The following GPC5 variants were observed in gnomAD, a reference collection of about 807,000 sequenced individuals.
GPC5 encodes glypican 5.
GPC5 carries 47 observed loss-of-function variants against 53.9 expected under a neutral mutation model. That is an observed-to-expected ratio of 0.87 (90% confidence interval 0.69 to 1.11). The LOEUF is 1.11. GPC5 is among the 50% of genes most tolerant of loss of function. GPC5 has a pLI of 0.00. For missense variants in GPC5, 748 were observed against 713.1 expected (o/e 1.05, Z -0.56); for synonymous variants, 286 against 263.3 (o/e 1.09, Z -0.84).
rs146383193 is a variant in GPC5 at position 91,879,277 on chromosome 13, T to G, written c.1281-28660T>G. ...TTTGGCTAGAACTAAATAGTAAAAGTGTGCATCAGTTTAAGATAGTTATTT... is the reference window on the plus strand; with the variant it reads ...TTTGGCTAGAACTAAATAGTAAAAGGGTGCATCAGTTTAAGATAGTTATTT... On this transcript the variant is annotated intron_variant, in intron 5 of 7. Coordinates refer to ENST00000377067, the MANE Select transcript of GPC5 (RefSeq NM_004466.6). 2.6e-5 allele frequency among the ~76,000 whole-genome samples: 4 copies of G among 152,324 alleles called. No individual in the cohort carries two copies. In the East Asian group the frequency reaches 7.7e-4, roughly 29 times the overall value.
At chr13:91,414,621 G>T (rs1878047675) in intron 1 of GPC5, among the ~76,000 whole-genome samples, 1 of 152,196 alleles carries the variant, frequency 6.6e-6, no homozygotes, top group Admixed American at 6.5e-5. Context: ...ATGGGCTAAA[G>T]CAATGACAGT....
At chr13:91,876,008 A>T (rs541812831) in intron 5 of GPC5, among the ~76,000 whole-genome samples, 1 of 152,300 alleles carries the variant, frequency 6.6e-6, no homozygotes, top group South Asian at 2.1e-4. Context: ...TGCTATTCTC[A>T]TGACAGTGAA....
At chr13:91,628,138 T>C (rs898697777) in intron 2 of GPC5, among the ~76,000 whole-genome samples, 7 of 152,298 alleles carry the variant, frequency 4.6e-5, no homozygotes, top group Admixed American at 3.3e-4. Context: ...GTGTTAATGT[T>C]ACCTTACAGT....
chr13:91,596,119 A>G (rs2032985142), intron 2 of GPC5, among the ~76,000 whole-genome samples: 1 of 152,204 alleles, frequency 6.6e-6, no homozygotes, highest in African/African-American at 2.4e-5. Flanking sequence ...GTAGTTGATA[A>G]TATCCTTTCT....
intron 7 of GPC5, among the ~76,000 whole-genome samples, chr13:92,669,175 T>G (rs1886667805): frequency 6.6e-6 from 1 of 152,182 alleles, no homozygotes; most frequent in East Asian, 1.9e-4. Context: ...ATGCAGGGGT[T>G]TCATTTCTGT....
At chr13:92,529,608 C>T (rs1288555355) in intron 7 of GPC5, among the ~76,000 whole-genome samples, 1 of 152,014 alleles carries the variant, frequency 6.6e-6, no homozygotes, top group Non-Finnish European at 1.5e-5. Flanking sequence ...GCTGCTCTGC[C>T]CACTCCAACC....
chr13:92,470,746 T>A (rs1259266037), intron 7 of GPC5, among the ~76,000 whole-genome samples: 1 of 152,166 alleles, frequency 6.6e-6, no homozygotes, highest in Non-Finnish European at 1.5e-5. Context: ...TTATGCAATT[T>A]TAACCTTCAC....
chr13:92,134,526 ACTC>A (rs2041768491), intron 6 of GPC5, among the ~76,000 whole-genome samples: 2 of 152,228 alleles, frequency 1.3e-5, no homozygotes, highest in South Asian at 4.1e-4. Context: ...TCAATAAGCA[ACTC>A]CTTGATGAGA....
At chr13:92,283,668 G>T (rs893364593) in intron 7 of GPC5, among the ~76,000 whole-genome samples, 11 of 152,164 alleles carry the variant, frequency 7.2e-5, no homozygotes, top group African/African-American at 2.7e-4. Context: ...AATGAAGGCA[G>T]AAATAAAGAT....
intron 6 of GPC5, among the ~76,000 whole-genome samples, chr13:91,918,511 C>A (rs1252344372): frequency 6.6e-6 from 1 of 152,066 alleles, no homozygotes; most frequent in African/African-American, 2.4e-5. Context: ...AGATAATTAT[C>A]TTTTTTTGAT....
intron 7 of GPC5, among the ~76,000 whole-genome samples, chr13:92,427,734 A>C (rs188177735): frequency 6.6e-6 from 1 of 152,180 alleles, no homozygotes; most frequent in East Asian, 1.9e-4. Context: ...ATTAACCTGG[A>C]TGTGCAAGCC....
intron 7 of GPC5, among the ~76,000 whole-genome samples, chr13:92,481,106 A>AT (rs199678556): frequency 0.015 from 2,242 of 147,060 alleles, 32 homozygotes; most frequent in Non-Finnish European, 0.027. Flanking sequence ...ATTTTTTTGC[A>AT]TTTTTTTTTT....
intron 7 of GPC5, among the ~76,000 whole-genome samples, chr13:92,469,096 G>T (rs894736448): frequency 6.6e-6 from 1 of 152,142 alleles, no homozygotes; most frequent in Admixed American, 6.6e-5. Flanking sequence ...GACAGGTCAA[G>T]ATACATGTAT....
Position 92,717,910 on chromosome 13 carries a change from G to GA in GPC5, c.1562-148366dup, listed in dbSNP as rs531004678. 1.9e-3 allele frequency among the ~76,000 whole-genome samples: 286 copies of GA among 151,918 alleles called. 4 individuals are homozygous for GA. The highest frequency in any genetic ancestry group is 6.6e-3 in the African/African-American group (273 of 41,456). ...AAATATAAGGAACTCAACTCAATAG[G>GA]AAAAAATCTAATAATCTGATTAAAA... On this transcript the variant is annotated intron_variant, in intron 7 of 7. Coordinates refer to ENST00000377067, the MANE Select transcript of GPC5 (RefSeq NM_004466.6).
intron 7 of GPC5, among the ~76,000 whole-genome samples, chr13:92,860,179 A>G (rs912992036): frequency 6.6e-6 from 1 of 152,154 alleles, no homozygotes; most frequent in African/African-American, 2.4e-5. Context: ...TTATTTTTAC[A>G]TAATTTATCA....
At chr13:91,973,365 C>A (rs1054283582) in intron 6 of GPC5, among the ~76,000 whole-genome samples, 8 of 152,146 alleles carry the variant, frequency 5.3e-5, no homozygotes, top group African/African-American at 1.9e-4. Flanking sequence ...GTCATCCATT[C>A]GTCTAATTAT....
At chr13:91,935,585 G>T (rs911292461) in intron 6 of GPC5, among the ~76,000 whole-genome samples, 1 of 151,878 alleles carries the variant, frequency 6.6e-6, no homozygotes, top group Non-Finnish European at 1.5e-5. Context: ...TAGATTTTGT[G>T]GATTTTGTTA....
chr13:92,517,579 G>A (rs1037640295), intron 7 of GPC5, among the ~76,000 whole-genome samples: 2 of 152,200 alleles, frequency 1.3e-5, no homozygotes, highest in African/African-American at 2.4e-5. Context: ...AGGGTCTGGA[G>A]TGGACCTCTG....
chr13:91,475,157 C>T (rs1342285557), intron 2 of GPC5, among the ~76,000 whole-genome samples: 1 of 152,022 alleles, frequency 6.6e-6, no homozygotes, highest in Admixed American at 6.6e-5. Context: ...CCAGCTGTTG[C>T]TTTGTTTTTT....
Sources: allele counts gnomAD v4.1 joint callset (sites outside exome capture counted in the v4.1 genomes callset), GRCh38; gene constraint gnomAD v4.1.1; transcripts MANE v1.5; gene names NCBI Gene and HGNC (gene_info 2026-07-23, HGNC 2026-07-21).